SUN1: variants seen among roughly 807,000 people sequenced by gnomAD.
SUN1 encodes the protein Sad1 and UNC84 domain containing 1.
In SUN1, 61 loss-of-function variants were observed where a neutral mutation model predicts 103.2. That is an observed-to-expected ratio of 0.59 (90% CI 0.48 to 0.73). The LOEUF (loss-of-function observed/expected upper bound fraction) is 0.73. Among genes scored for constraint, SUN1 ranks in the 30% least tolerant of loss-of-function variants. The pLI is 0.00. For synonymous variants in SUN1, 490 were observed against 425.7 expected (o/e 1.15, Z -1.86); for missense variants, 1,052 against 1,034.6 (o/e 1.02, Z -0.23).
chr7:821,024 A>G (rs1785372852), intron 1 of SUN1, among the ~76,000 whole-genome samples: 1 of 152,054 alleles, frequency 6.6e-6, no homozygotes, highest in African/African-American at 2.4e-5. Flanking sequence ...TCATCTATCT[A>G]GCTCCCCAAA....
At chr7:816,074 G>A (rs1780300940), upstream of SUN1, 1 of 153,188 alleles carries the variant, frequency 6.5e-6, no homozygotes, top group South Asian at 8.8e-5. Context: ...AGATGCGGAC[G>A]CCCTCCCCCA....
chr7:852,561 C>G (rs1278370977), intron 7 of SUN1, 48 bp from the exon 8 acceptor site: 1 of 1,610,128 alleles, frequency 6.2e-7, no homozygotes. Context: ...ATTGGTGAAC[C>G]CTGACTTTCA....
intron 2 of SUN1, among the ~76,000 whole-genome samples, chr7:840,448 G>A (rs1234392168): frequency 6.6e-6 from 1 of 152,286 alleles, no homozygotes. Flanking sequence ...TGTGGCCGTC[G>A]TCCTCCCTCT....
intron 13 of SUN1, 84 bp from the exon 14 acceptor site, chr7:860,044 C>G: frequency 6.6e-7 from 1 of 1,505,584 alleles, no homozygotes; most frequent in South Asian, 1.3e-5. Flanking sequence ...TATAATTCTT[C>G]TGAGGTATCT....
At chr7:845,372 C>T (rs1026044339) in intron 5 of SUN1, among the ~76,000 whole-genome samples, 6 of 152,184 alleles carry the variant, frequency 3.9e-5, no homozygotes, top group African/African-American at 9.7e-5. Context: ...ATCCTTCCCG[C>T]GGGGTTTCTG....
At chr7:860,016 C>T (rs940475004) in intron 13 of SUN1, 112 bp from the exon 14 acceptor site, 2 of 1,341,842 alleles carry the variant, frequency 1.5e-6, no homozygotes, top group Non-Finnish European at 2.0e-6. Flanking sequence ...CAATGACATT[C>T]TAGATTTTGA....
Position 838,851 on chromosome 7 carries a change from C to T in SUN1, c.131C>T (p.Pro44Leu). 1 of 1,583,214 alleles carries T rather than the reference C, an allele frequency of 6.3e-7. No individual in the cohort carries two copies. Among genetic ancestry groups the T allele is most frequent in the Non-Finnish European group, 8.6e-7 (1 of 1,164,020 alleles). Reference sequence around the variant, plus strand: ...TTTGAGACGGAGCACAAATTGGACCCTGTATTTGATTCTCCACGGATGTCC... The same window carrying T: ...TTTGAGACGGAGCACAAATTGGACCTTGTATTTGATTCTCCACGGATGTCC... ...LDFETEHKLD[P>L]VFDSPRMSRR... is the part of the protein sequence containing the mutation. Residue 44 changes from proline (P) to leucine (L), a missense_variant, in exon 2 of 19, where the codon CCT becomes CTT. Pro to Leu is a moderately conservative substitution (Grantham distance 98, BLOSUM62 -3). Transcript: ENST00000401592.
intron 1 of SUN1, among the ~76,000 whole-genome samples, chr7:819,532 G>A (rs1208773922): frequency 2.0e-5 from 3 of 152,026 alleles, no homozygotes; most frequent in Admixed American, 6.6e-5. Flanking sequence ...TGTGTGGTAG[G>A]TTCTGACTTC....
In SUN1 at chr7:856,369, G is replaced by T. The variant is rs202122012; in HGVS notation, c.1362G>T (p.Lys454Asn). The change falls in exon 12 of 19, where the codon AAG becomes AAT. Residue 454 changes from lysine (K) to asparagine (N), a missense_variant. This residue lies in a region of SUN1 where 846 missense variants were observed against 774.5 expected (regional missense o/e 1.09). Transcript: ENST00000401592. ...KLREKSEAIQ[K>N]ELEQTKQKTI... is the part of the protein sequence containing the mutation. ...CTCATACTTTTTAGGCCATCCAGAA[G>T]GAACTAGAACAGACCAAGCAAAAAA... The T allele has an allele frequency of 8.8e-5, 142 of 1,613,970 alleles. No individual in the cohort carries two copies. Among genetic ancestry groups the T allele is most frequent in the Non-Finnish European group, 1.1e-4 (131 of 1,179,992 alleles).
intron 1 of SUN1, among the ~76,000 whole-genome samples, chr7:818,863 TC>T (rs1226895605): frequency 4.0e-5 from 5 of 123,952 alleles, no homozygotes; most frequent in African/African-American, 1.3e-4. Context: ...CCCGCTCCCC[TC>T]CCCCCCTTTT....
At chr7:843,917 G>T in intron 5 of SUN1, 2 of 1,140,486 alleles carry the variant, frequency 1.8e-6, no homozygotes, top group Non-Finnish European at 1.1e-6. Flanking sequence ...GGTTATGCCA[G>T]TGTTCGTGTC....
intron 10 of SUN1, 116 bp from the exon 11 acceptor site, chr7:854,804 T>C: frequency 1.4e-6 from 1 of 706,366 alleles, no homozygotes; most frequent in East Asian, 2.6e-5. Context: ...CGTGCCACAT[T>C]GCGACCACAG....
upstream of SUN1, among the ~76,000 whole-genome samples, chr7:830,165 G>A (rs979752232): frequency 2.0e-5 from 3 of 152,226 alleles, no homozygotes; most frequent in African/African-American, 7.2e-5. Context: ...GGAGCTCTGG[G>A]AGCCTCTCAC....
At chr7:853,088 C>A (rs1018793704) in intron 9 of SUN1, 136 bp downstream of exon 9, 2 of 1,178,758 alleles carry the variant, frequency 1.7e-6, no homozygotes, top group African/African-American at 3.1e-5. Context: ...ATAAGCAAGT[C>A]TTTGGAGCTC....
chr7:869,139 A>G (rs2128551477), intron 16 of SUN1: 2 of 605,694 alleles, frequency 3.3e-6, no homozygotes, highest in South Asian at 2.1e-5. Flanking sequence ...GGTCGTTTTA[A>G]CTTTTATACA....
At chr7:863,300 T>A (rs1028391165) in intron 15 of SUN1, among the ~76,000 whole-genome samples, 30 of 146,674 alleles carry the variant, frequency 2.0e-4, no homozygotes, top group African/African-American at 6.8e-4. Flanking sequence ...GAGCTCGCCC[T>A]TGCTGCCCGG....
intron 17 of SUN1, among the ~76,000 whole-genome samples, chr7:869,854 C>T (rs1585324806): frequency 6.6e-6 from 1 of 152,244 alleles, no homozygotes; most frequent in East Asian, 1.9e-4. Flanking sequence ...CTGCCATGAT[C>T]CCAGCCCCAG....
intron 16 of SUN1, chr7:868,329 A>T (rs1838773780): frequency 1.4e-5 from 3 of 215,482 alleles, no homozygotes; most frequent in Non-Finnish European, 2.8e-5. Context: ...TCTGCCCTGC[A>T]CCTGGAGGTG....
At chr7:831,117 G>A (rs1217567691), upstream of SUN1, 4 of 591,140 alleles carry the variant, frequency 6.8e-6, no homozygotes, top group African/African-American at 2.0e-5. Flanking sequence ...TAACTATTAC[G>A]TGGATTAAGT....
Sources: gnomAD v4.1 joint callset for allele counts (sites outside exome capture counted in the v4.1 genomes callset) on GRCh38, gnomAD v4.1.1 for gene constraint, gnomAD v4.1.1 regional missense constraint, MANE v1.5 for transcripts, NCBI Gene and HGNC (gene_info 2026-07-23, HGNC 2026-07-21) for gene names.